The following ALDH1L2 variants were observed in gnomAD, a reference collection of about 807,000 sequenced individuals.
ALDH1L2 encodes mitochondrial 10-formyltetrahydrofolate dehydrogenase.
A neutral mutation model predicts 111.0 loss-of-function variants in ALDH1L2; 91 were observed. The observed-to-expected ratio is 0.82, with a 90% CI of 0.69 to 0.98. The LOEUF is 0.98. Ranked by LOEUF, ALDH1L2 falls within the 50% of genes least tolerant of loss-of-function variation. The pLI is 0.00. For synonymous variants in ALDH1L2, 374 were observed against 392.6 expected (o/e 0.95, Z 0.56); for missense variants, 995 against 1,126.8 (o/e 0.88, Z 1.67).
intron 18 of ALDH1L2, among the ~76,000 whole-genome samples, chr12:105,035,886 T>TTATATATATATAC (rs1420395885): frequency 1.5e-5 from 2 of 136,952 alleles, no homozygotes; most frequent in African/African-American, 5.7e-5. Context: ...CACATATATA[T>TTATATATATATAC]ACGTATATTT....
chr12:105,044,331 G>A lies in ALDH1L2; in HGVS notation c.1863+2379C>T, dbSNP rs1282890902. Among the ~76,000 whole-genome samples, 3 of 152,004 alleles carry A rather than the reference G, an allele frequency of 2.0e-5. No homozygotes were observed. The East Asian group carries it at 5.8e-4, about 30-fold the overall frequency. ...TTTAGTGGTTCTCTATCCTGGCTGT[G>A]CCTTGGAAAAACGTGACGCTTTTAA... On this transcript the variant is annotated intron_variant, in intron 15 of 22. Transcript: ENST00000258494.
chr12:105,031,879 T>C lies in ALDH1L2; in HGVS notation c.2300A>G (p.His767Arg), dbSNP rs186655399. Residue 767 changes from histidine to arginine, a missense_variant, in exon 20 of 23, where the codon CAT (histidine) becomes CGT (arginine). His to Arg is a conservative substitution (Grantham distance 29). Transcript: ENST00000258494. ...IGDPLDRSTD[H>R]GPQNHKAHLE... ...ATGAGCCTTATGATTTTGGGGCCCA[T>C]GATCAGTGGATCTGTCAAGTGGATC... 2.5e-5 allele frequency: 40 copies of C among 1,614,180 alleles called. No individual in the cohort carries two copies. In the East Asian group the frequency reaches 6.7e-4, roughly 27 times the overall value.
At chr12:105,053,637 T>A (rs773126387) in intron 10 of ALDH1L2, among the ~76,000 whole-genome samples, 1 of 152,124 alleles carries the variant, frequency 6.6e-6, no homozygotes, top group African/African-American at 2.4e-5. Context: ...AGCAAGAAGG[T>A]CTCTTGCCTT....
intron 15 of ALDH1L2, among the ~76,000 whole-genome samples, chr12:105,042,880 AG>A (rs11358825): frequency 0.37 from 56,045 of 152,060 alleles, 10,565 homozygotes; most frequent in South Asian, 0.53. Context: ...GCAAAATGAA[AG>A]CAATACCTTC....
intron 2 of ALDH1L2, among the ~76,000 whole-genome samples, chr12:105,071,631 TA>T (rs1565972453): frequency 1.8e-3 from 29 of 16,258 alleles, no homozygotes; most frequent in Admixed American, 3.2e-3. Flanking sequence ...TATATATATA[TA>T]TATATATATA....
chr12:105,031,935 C>T lies in ALDH1L2; in HGVS notation c.2245-1G>A. 1 of 1,613,800 alleles carries T rather than the reference C, an allele frequency of 6.2e-7. No individual in the cohort carries two copies. Among genetic ancestry groups the T allele is most frequent in the Non-Finnish European group, 8.5e-7 (1 of 1,179,894 alleles). On this transcript the variant is annotated splice_acceptor_variant, in intron 19 of 22. Coordinates refer to ENST00000258494, the MANE Select transcript of ALDH1L2 (RefSeq NM_001034173.4). LOFTEE classifies it high-confidence loss of function. Reference sequence around the variant, plus strand: ...TTTTCATCTTTTTAATTTCTTCTACCTGTATGTTACCCAGTCCATAAAAAC... The same window carrying T: ...TTTTCATCTTTTTAATTTCTTCTACTTGTATGTTACCCAGTCCATAAAAAC...
At position 105,024,027 on chromosome 12, in the gene ALDH1L2, C is replaced by A. The variant is rs891625302; in HGVS notation, c.*397G>T. The A allele has an allele frequency of 5.7e-6, 1 of 176,910 alleles. No homozygotes were observed. The highest frequency in any genetic ancestry group is 1.6e-4 in the East Asian group (1 of 6,400). The allele number at this position is 176,910 out of a possible 1,614,324, so 11.0% of individuals were successfully genotyped here. On this transcript the variant is annotated 3_prime_UTR_variant, in exon 23 of 23. Transcript: ENST00000258494. ...GACTTATAGAAAATCTTTTTAATAA[C>A]CCCCTATGTATAGTTCAGAGGTTAA...
intron 20 of ALDH1L2, among the ~76,000 whole-genome samples, chr12:105,031,517 G>T (rs951675978): frequency 4.0e-4 from 61 of 152,116 alleles, no homozygotes; most frequent in African/African-American, 1.4e-3. Context: ...GTCTCAGTCT[G>T]TTGCCCAAGT....
At chr12:105,030,660 TA>T (rs564920032) in intron 20 of ALDH1L2, among the ~76,000 whole-genome samples, 157 of 152,326 alleles carry the variant, frequency 1.0e-3, no homozygotes, top group South Asian at 2.5e-3. Context: ...TAATGAATGG[TA>T]AAATAAATAT....
chr12:105,028,747 A>G (rs1444998567), intron 21 of ALDH1L2, among the ~76,000 whole-genome samples: 1 of 152,198 alleles, frequency 6.6e-6, no homozygotes, highest in Non-Finnish European at 1.5e-5. Context: ...CCATAGCTCC[A>G]TAGCACATTG....
At chr12:105,046,201 A>C (rs1488128477) in intron 15 of ALDH1L2, among the ~76,000 whole-genome samples, 89 of 25,036 alleles carry the variant, frequency 3.6e-3, no homozygotes, top group African/African-American at 5.7e-3. Context: ...CTCTATATAT[A>C]TATATATATA....
chr12:105,067,288 T>A (rs1877429537), intron 4 of ALDH1L2, among the ~76,000 whole-genome samples: 1 of 151,758 alleles, frequency 6.6e-6, no homozygotes, highest in Non-Finnish European at 1.5e-5. Flanking sequence ...CAGAGAGAGC[T>A]TGTAGGTGTC....
In ALDH1L2 at chr12:105,063,020, C is replaced by T; in HGVS notation, c.789G>A (p.Met263Ile). Residue 263 changes from methionine (M) to isoleucine (I), a missense_variant and splice_region_variant, in exon 7 of 23, where the codon ATG becomes ATA. Met to Ile is a conservative substitution (Grantham distance 10). Coordinates refer to ENST00000258494, the MANE Select transcript of ALDH1L2 (RefSeq NM_001034173.4). ...GTAATGTCGAGCCATAGAAAGTGAC[C>T]ATCTAGTAAAGAGATCAAACACAGA... ...PGAWTEINGQMVTFYGSTLLN... is the reference protein window; with the variant it reads ...PGAWTEINGQIVTFYGSTLLN... 6.2e-7 allele frequency: 1 copy of T among 1,612,296 alleles called. No homozygotes were observed. Among genetic ancestry groups the T allele is most frequent in the Non-Finnish European group, 8.5e-7 (1 of 1,179,446 alleles).
chr12:105,066,112 C>T (rs1017112936), intron 5 of ALDH1L2, among the ~76,000 whole-genome samples: 2 of 152,156 alleles, frequency 1.3e-5, no homozygotes, highest in Non-Finnish European at 1.5e-5. Context: ...CTGTGCCCAG[C>T]GCACCTAGCA....
chr12:105,031,673 G>A, intron 20 of ALDH1L2, 96 bp downstream of exon 20: 1 of 1,500,034 alleles, frequency 6.7e-7, no homozygotes, highest in Non-Finnish European at 8.9e-7. Context: ...TAGAGATGAA[G>A]TTTCACCATG....
At chr12:105,042,432 T>G (rs1039654917) in intron 15 of ALDH1L2, among the ~76,000 whole-genome samples, 1 of 152,172 alleles carries the variant, frequency 6.6e-6, no homozygotes, top group African/African-American at 2.4e-5. Context: ...TTGCGTTGCC[T>G]TTATCCTGAG....
At chr12:105,034,802 A>C (rs1459680209) in intron 18 of ALDH1L2, among the ~76,000 whole-genome samples, 1 of 152,002 alleles carries the variant, frequency 6.6e-6, no homozygotes, top group Non-Finnish European at 1.5e-5. Context: ...TGGCCAACAC[A>C]GTGAAACCCC....
intron 2 of ALDH1L2, chr12:105,072,465 G>A (rs1010823937): frequency 6.6e-6 from 1 of 152,016 alleles, no homozygotes; most frequent in Non-Finnish European, 1.5e-5. Context: ...ATTAGCCCCT[G>A]ATCAATCCGT....
At chr12:105,059,267 A>G (rs1876835933) in intron 9 of ALDH1L2, among the ~76,000 whole-genome samples, 1 of 138,346 alleles carries the variant, frequency 7.2e-6, no homozygotes, top group Non-Finnish European at 1.5e-5. Flanking sequence ...CTCTGTCTCA[A>G]AATAATAATA....
Sources: allele counts gnomAD v4.1 joint callset (sites outside exome capture counted in the v4.1 genomes callset), GRCh38; gene constraint gnomAD v4.1.1; transcripts MANE v1.5; gene names NCBI Gene and HGNC (gene_info 2026-07-23, HGNC 2026-07-21).